Variants in NCOA3 observed in about 807,000 individuals in gnomAD.
The protein encoded by NCOA3 is CBP-interacting protein.
Under a neutral mutation model 158.8 loss-of-function variants are expected in NCOA3, and 51 were observed. The observed-to-expected ratio is 0.32, with a 90% CI of 0.26 to 0.41. The LOEUF is 0.41. Ranked by LOEUF, NCOA3 falls within the 10% of genes least tolerant of loss-of-function variation. NCOA3 has a pLI of 1.00. For missense variants in NCOA3, 1,510 were observed against 1,746.6 expected (o/e 0.86, Z 2.41); for synonymous variants, 537 against 592.4 (o/e 0.91, Z 1.36).
chr20:47,636,168 T>C lies in NCOA3; in HGVS notation c.1782T>C (p.Ser594=), dbSNP rs1398626764. The change falls in exon 12 of 23, where the codon AGT becomes AGC. Residue 594 remains serine (S), a synonymous_variant. Coordinates refer to ENST00000371998, the MANE Select transcript of NCOA3 (RefSeq NM_181659.3). Reference sequence around the variant, plus strand: ...AGTCAAATAGCAGAGATCACCTCAGTGACAAAGAAAGTAAGGAGAGCAGTG... The same window carrying C: ...AGTCAAATAGCAGAGATCACCTCAGCGACAAAGAAAGTAAGGAGAGCAGTG... ...MCQSNSRDHL[S]DKESKESSVE... 2.9e-5 allele frequency: 47 copies of C among 1,614,136 alleles called. No homozygotes were observed. The highest frequency in any genetic ancestry group is 4.0e-5 in the Non-Finnish European group (47 of 1,180,030).
intron 1 of NCOA3, among the ~76,000 whole-genome samples, chr20:47,581,883 T>G (rs1271682533): frequency 1.3e-5 from 2 of 152,224 alleles, no homozygotes; most frequent in Non-Finnish European, 2.9e-5. Flanking sequence ...AAATGCATCC[T>G]TTTATAGAAG....
chr20:47,637,301 A>C (rs1310496372), intron 12 of NCOA3, among the ~76,000 whole-genome samples: 1 of 152,184 alleles, frequency 6.6e-6, no homozygotes, highest in East Asian at 1.9e-4. Flanking sequence ...ATTATTAATC[A>C]CACTTATTTT....
Position 47,655,878 on chromosome 20 carries a change from T to TAAG in NCOA3, c.*2462_*2464dup, listed in dbSNP as rs1234936040. On this transcript the variant is annotated 3_prime_UTR_variant, in exon 23 of 23. Coordinates refer to ENST00000371998, the MANE Select transcript of NCOA3 (RefSeq NM_181659.3). ...TATAGTAGAAAAATGAAGTTTATTA[T>TAAG]AAGTTTTTATATTTTCTACTTGTTC... The TAAG allele has an allele frequency of 2.6e-5, 4 of 152,664 alleles. No homozygotes were observed. Among genetic ancestry groups the TAAG allele is most frequent in the African/African-American group, 7.2e-5 (3 of 41,576 alleles). The allele number at this position is 152,664 out of a possible 1,614,324, so 9.5% of individuals were successfully genotyped here. A position where few individuals can be genotyped will look rare whatever the true frequency, so the allele number is the denominator to read the frequency against.
chr20:47,617,453 C>T (rs1384863292), intron 2 of NCOA3, among the ~76,000 whole-genome samples: 2 of 152,152 alleles, frequency 1.3e-5, no homozygotes, highest in African/African-American at 2.4e-5. Flanking sequence ...TGGTACCTGC[C>T]TTATTCCCCT....
chr20:47,551,238 GA>G (rs1371188977), intron 1 of NCOA3, among the ~76,000 whole-genome samples: 1 of 152,258 alleles, frequency 6.6e-6, no homozygotes, highest in African/African-American at 2.4e-5. Flanking sequence ...CTAAATTGAT[GA>G]AAAATTTAAA....
rs11473989 is a variant in NCOA3, at chr20:47,585,046, CTTTTTTTTTTTTTTT to C, written c.-20+1796_-20+1810del. On this transcript the variant is annotated intron_variant, in intron 2 of 22. Coordinates refer to ENST00000371998, the MANE Select transcript of NCOA3 (RefSeq NM_181659.3). Reference sequence around the variant, plus strand: ...ACATTTCATCTAACCCCTTTCTTAACTTTTTTTTTTTTTTTTTTTTTTTTTGAGACAGACTCCCTC... The same window carrying C: ...ACATTTCATCTAACCCCTTTCTTAACTTTTTTTTTTGAGACAGACTCCCTC... Among the ~76,000 whole-genome samples the C allele has an allele frequency of 3.3e-5, 3 of 91,344 alleles. 1 individual carries two copies. Among genetic ancestry groups the C allele is most frequent in the Non-Finnish European group, 5.9e-5 (3 of 50,662 alleles). The allele number at this position is 91,344 out of a possible 152,430, so 59.9% of individuals were successfully genotyped here. A position where few individuals can be genotyped will look rare whatever the true frequency, so the allele number is the denominator to read the frequency against.
intron 1 of NCOA3, among the ~76,000 whole-genome samples, chr20:47,577,966 G>A (rs530260057): frequency 6.6e-6 from 1 of 152,198 alleles, no homozygotes; most frequent in African/African-American, 2.4e-5. Context: ...ACATGCATAT[G>A]CTGTAATTTG....
At chr20:47,594,071 T>TTTG (rs1385026454) in intron 2 of NCOA3, among the ~76,000 whole-genome samples, 1 of 152,040 alleles carries the variant, frequency 6.6e-6, no homozygotes, top group Non-Finnish European at 1.5e-5. Context: ...TGTTTTTAGG[T>TTTG]TTGTATTGCC....
intron 13 of NCOA3, among the ~76,000 whole-genome samples, chr20:47,638,132 TTAAAACC>T (rs2086546410): frequency 6.6e-6 from 1 of 152,226 alleles, no homozygotes. Flanking sequence ...AGACTCTAGA[TTAAAACC>T]TGTCCATTGG....
intron 2 of NCOA3, among the ~76,000 whole-genome samples, chr20:47,600,369 T>G (rs912738991): frequency 6.6e-6 from 1 of 151,416 alleles, no homozygotes; most frequent in African/African-American, 2.4e-5. Flanking sequence ...AGAGACAGGA[T>G]TTCATCATGT....
intron 2 of NCOA3, among the ~76,000 whole-genome samples, chr20:47,603,689 C>G (rs2085900369): frequency 6.6e-6 from 1 of 152,170 alleles, no homozygotes; most frequent in African/African-American, 2.4e-5. Context: ...GGAAAATGAT[C>G]TTCCCCTGGA....
chr20:47,510,985 C>T (rs894341262), intron 1 of NCOA3, among the ~76,000 whole-genome samples: 9 of 152,058 alleles, frequency 5.9e-5, no homozygotes, highest in African/African-American at 2.2e-4. Context: ...TTGTTGCCTA[C>T]TCTTCCATGC....
At chr20:47,568,797 A>G (rs1354874429) in intron 1 of NCOA3, among the ~76,000 whole-genome samples, 1 of 149,244 alleles carries the variant, frequency 6.7e-6, no homozygotes, top group Non-Finnish European at 1.5e-5. Flanking sequence ...CTCTGTCTCA[A>G]AAAAAAAAAA....
intron 1 of NCOA3, among the ~76,000 whole-genome samples, chr20:47,565,190 A>G (rs1370338142): frequency 1.3e-5 from 2 of 152,282 alleles, no homozygotes; most frequent in South Asian, 2.1e-4. Flanking sequence ...CACGTTGGCC[A>G]GGCTGGTCTT....
intron 1 of NCOA3, among the ~76,000 whole-genome samples, chr20:47,559,116 C>T (rs1174574996): frequency 6.6e-6 from 1 of 152,010 alleles, no homozygotes; most frequent in African/African-American, 2.4e-5. Context: ...CTTATGACCT[C>T]CTGATCTTCA....
chr20:47,637,108 C>G (rs2086528109), intron 12 of NCOA3, among the ~76,000 whole-genome samples: 1 of 151,892 alleles, frequency 6.6e-6, no homozygotes, highest in African/African-American at 2.4e-5. Context: ...AAGGTAAAAT[C>G]AAGTTTCATG....
intron 1 of NCOA3, among the ~76,000 whole-genome samples, chr20:47,529,796 G>T (rs1199754969): frequency 6.6e-6 from 1 of 152,142 alleles, no homozygotes; most frequent in Non-Finnish European, 1.5e-5. Flanking sequence ...TTTCTCTCAT[G>T]CTGGAATTTT....
Position 47,651,195 on chromosome 20 carries a change from T to A in NCOA3, c.3865T>A (p.Ser1289Thr), listed in dbSNP as rs759683720. 1.2e-6 allele frequency: 2 copies of A among 1,613,676 alleles called. No homozygotes were observed. Among genetic ancestry groups the A allele is most frequent in the African/African-American group, 2.7e-5 (2 of 74,782 alleles). ...AFSPPPNVTA[S>T]PSMDGLLAGP... ...CAGCCCACCTCCTAATGTGACTGCT[T>A]CCCCCAGCATGGATGGGCTTTTGGC... is the stretch of plus-strand genomic sequence containing the variant. The change falls in exon 20 of 23, where the codon TCC (serine) becomes ACC (threonine). Residue 1289 changes from serine (S) to threonine (T), a missense_variant. Around this residue, in one of 4 missense-constraint regions of NCOA3, gnomAD observed 180 missense variants for 199.3 expected, o/e 0.90. Coordinates refer to ENST00000371998, the MANE Select transcript of NCOA3 (RefSeq NM_181659.3).
chr20:47,563,649 G>A (rs1006228019), intron 1 of NCOA3, among the ~76,000 whole-genome samples: 3 of 152,078 alleles, frequency 2.0e-5, no homozygotes, highest in African/African-American at 7.2e-5. Flanking sequence ...CACTTTGGGA[G>A]GCTGAGGCAG....
Sources: allele counts gnomAD v4.1 joint callset (sites outside exome capture counted in the v4.1 genomes callset), GRCh38; gene constraint gnomAD v4.1.1; regional missense constraint gnomAD v4.1.1; transcripts MANE v1.5; gene names NCBI Gene and HGNC (gene_info 2026-07-23, HGNC 2026-07-21).